Variants in ASTN2 observed in about 807,000 individuals in gnomAD.
ASTN2 encodes the protein astrotactin-2.
In ASTN2, 54 loss-of-function variants were observed where a neutral mutation model predicts 139.8. The observed-to-expected ratio is 0.39, with a 90% CI of 0.31 to 0.48. The LOEUF (loss-of-function observed/expected upper bound fraction) is 0.48. Among genes scored for constraint, ASTN2 ranks in the 20% least tolerant of loss-of-function variants. The pLI, the probability that ASTN2 is intolerant of heterozygous loss-of-function variation, is 0.95. For synonymous variants in ASTN2, 756 were observed against 719.5 expected (o/e 1.05, Z -0.81); for missense variants, 1,565 against 1,725.1 (o/e 0.91, Z 1.64).
intron 2 of ASTN2, among the ~76,000 whole-genome samples, chr9:117,243,927 A>G (rs1045137276): frequency 5.3e-5 from 8 of 152,074 alleles, no homozygotes; most frequent in Non-Finnish European, 1.0e-4. Context: ...ACCAAATCAT[A>G]TCTTGAATTG....
intron 10 of ASTN2, among the ~76,000 whole-genome samples, chr9:116,948,698 AGTGT>A (rs112233837): frequency 0.18 from 24,709 of 135,114 alleles, 2,431 homozygotes; most frequent in Admixed American, 0.26. Flanking sequence ...TATATGTGTG[AGTGT>A]GTGTGTGTGT....
intron 5 of ASTN2, among the ~76,000 whole-genome samples, chr9:117,083,526 G>C (rs61261355): frequency 0.058 from 8,817 of 152,182 alleles, 586 homozygotes; most frequent in East Asian, 0.19. Context: ...CATGACCAGT[G>C]GCATGGTCTG....
chr9:116,766,840 CACAA>C (rs1358225292), intron 13 of ASTN2, among the ~76,000 whole-genome samples: 5 of 151,972 alleles, frequency 3.3e-5, no homozygotes, highest in African/African-American at 1.2e-4. Flanking sequence ...TCACCTCACA[CACAA>C]ACACATATCT....
At chr9:116,865,134 C>T (rs1219060215) in intron 10 of ASTN2, among the ~76,000 whole-genome samples, 1 of 152,006 alleles carries the variant, frequency 6.6e-6, no homozygotes, top group African/African-American at 2.4e-5. Context: ...AAGTTACATG[C>T]AGGAGGTTTA....
chr9:117,170,341 A>G (rs1168225414), intron 3 of ASTN2, among the ~76,000 whole-genome samples: 2 of 152,036 alleles, frequency 1.3e-5, no homozygotes, highest in East Asian at 1.9e-4. Context: ...CTCAGTTGCA[A>G]TCTTCTTCAG....
rs1473131885 is a variant in ASTN2 at position 116,423,896 on chromosome 9, TTTC to T, written c.*1952_*1954del. Among the ~76,000 whole-genome samples, 2 of 152,210 alleles carry T rather than the reference TTTC, an allele frequency of 1.3e-5. No individual in the cohort carries two copies. Among genetic ancestry groups the T allele is most frequent in the African/African-American group, 2.4e-5 (1 of 41,460 alleles). ...CAAATTGAGAAGTAGGCATGGTTTT[TTTC>T]TTTTTTACTCACCACTACACAAATG... On this transcript the variant is annotated 3_prime_UTR_variant, in exon 23 of 23. Transcript: ENST00000313400.
intron 2 of ASTN2, among the ~76,000 whole-genome samples, chr9:117,259,012 T>G (rs965667689): frequency 6.6e-6 from 1 of 152,204 alleles, no homozygotes; most frequent in Non-Finnish European, 1.5e-5. Context: ...CTTCTTTTTC[T>G]TAGATACAAA....
At chr9:117,388,646 G>A (rs1830464084) in intron 1 of ASTN2, among the ~76,000 whole-genome samples, 1 of 152,164 alleles carries the variant, frequency 6.6e-6, no homozygotes, top group African/African-American at 2.4e-5. Context: ...GGCTTGGTTA[G>A]GGTGCTCACA....
intron 1 of ASTN2, among the ~76,000 whole-genome samples, chr9:117,400,965 T>C (rs1401037079): frequency 1.3e-5 from 2 of 152,120 alleles, no homozygotes; most frequent in Non-Finnish European, 2.9e-5. Flanking sequence ...CTAAGCTCTC[T>C]CCAGCTGCAA....
intron 5 of ASTN2, among the ~76,000 whole-genome samples, chr9:117,095,345 C>T (rs147774763): frequency 1.6e-4 from 24 of 152,318 alleles, no homozygotes; most frequent in African/African-American, 4.6e-4. Flanking sequence ...CATCAGGGAA[C>T]GATGGATCTT....
intron 3 of ASTN2, among the ~76,000 whole-genome samples, chr9:117,148,319 T>C (rs1054970401): frequency 6.6e-6 from 1 of 152,192 alleles, no homozygotes; most frequent in African/African-American, 2.4e-5. Context: ...GTACAAAAAA[T>C]GTCTAACAGA....
At chr9:117,191,669 G>T (rs1831352039) in intron 3 of ASTN2, among the ~76,000 whole-genome samples, 1 of 152,178 alleles carries the variant, frequency 6.6e-6, no homozygotes, top group Non-Finnish European at 1.5e-5. Context: ...GTTCCCCACT[G>T]GGTGAGCTCC....
At chr9:116,931,553 A>C (rs1425353652) in intron 10 of ASTN2, among the ~76,000 whole-genome samples, 1 of 152,210 alleles carries the variant, frequency 6.6e-6, no homozygotes. Flanking sequence ...TTAACTTCTG[A>C]AGATATAATC....
intron 4 of ASTN2, among the ~76,000 whole-genome samples, chr9:117,101,184 C>G (rs1490372749): frequency 3.3e-5 from 5 of 152,168 alleles, no homozygotes; most frequent in African/African-American, 1.2e-4. Context: ...ACTCTCCTGC[C>G]TGCTGTGACA....
chr9:116,948,698 A>AGTGTGTGTGTGTGTGT (rs112233837), intron 10 of ASTN2, among the ~76,000 whole-genome samples: 1 of 135,278 alleles, frequency 7.4e-6, no homozygotes, highest in African/African-American at 2.8e-5. Flanking sequence ...TATATGTGTG[A>AGTGTGTGTGTGTGTGT]GTGTGTGTGT....
intron 7 of ASTN2, among the ~76,000 whole-genome samples, chr9:116,988,716 A>C (rs1188810661): frequency 6.6e-6 from 1 of 152,174 alleles, no homozygotes; most frequent in Non-Finnish European, 1.5e-5. Context: ...TGAACTCAGC[A>C]CAACCCGGTG....
At chr9:116,890,440 A>T (rs769833629) in intron 10 of ASTN2, among the ~76,000 whole-genome samples, 3 of 152,246 alleles carry the variant, frequency 2.0e-5, no homozygotes, top group Non-Finnish European at 4.4e-5. Flanking sequence ...TATAATCAAG[A>T]GAACCCATTT....
chr9:117,078,817 C>A lies in ASTN2; in HGVS notation c.1276+17227G>T, dbSNP rs533082410. On this transcript the variant is annotated intron_variant, in intron 5 of 22. Transcript: ENST00000313400. ...GTGGCACGACTTTGGCTCACTGCAA[C>A]CTCCACCTCCCAGGTTCAAGTGATT... Among the ~76,000 whole-genome samples the A allele has an allele frequency of 5.0e-4, 76 of 152,274 alleles. 5 individuals carry two copies. Among genetic ancestry groups the A allele is most frequent in the African/African-American group, 1.7e-3 (70 of 41,574 alleles).
chr9:117,403,280 G>T (rs577419836), intron 1 of ASTN2, among the ~76,000 whole-genome samples: 313 of 152,262 alleles, frequency 2.1e-3, no homozygotes, highest in African/African-American at 7.3e-3. Context: ...ACAAGTTGCT[G>T]CTGGCTGTAA....
Sources: gnomAD v4.1 joint callset for allele counts (sites outside exome capture counted in the v4.1 genomes callset) on GRCh38, gnomAD v4.1.1 for gene constraint, MANE v1.5 for transcripts, NCBI Gene and HGNC (gene_info 2026-07-23, HGNC 2026-07-21) for gene names.